Variants in NFATC1 observed in about 807,000 individuals in gnomAD.
NFATC1 encodes nuclear factor of activated T-cells, cytoplasmic 1.
In NFATC1, 22 loss-of-function variants were observed where a neutral mutation model predicts 76.0. The observed-to-expected ratio is 0.29, with a 90% CI of 0.21 to 0.41. The LOEUF (loss-of-function observed/expected upper bound fraction) is 0.41, where lower values mean the gene tolerates loss of function less well. Ranked by LOEUF, NFATC1 falls within the 10% of genes least tolerant of loss-of-function variation. NFATC1 has a pLI of 1.00. For synonymous variants in NFATC1, 704 were observed against 613.1 expected (o/e 1.15, Z -2.19); for missense variants, 1,357 against 1,337.7 (o/e 1.01, Z -0.23).
Position 79,410,460 on chromosome 18 carries a change from A to G in NFATC1, c.185A>G (p.His62Arg), listed in dbSNP as rs759599683. The G allele has an allele frequency of 1.9e-6, 3 of 1,611,536 alleles. No homozygotes were observed. The highest frequency in any genetic ancestry group is 2.2e-5 in the East Asian group (1 of 44,818). Residue 62 changes from histidine (H) to arginine (R), a missense_variant, in exon 2 of 10, where the codon CAC becomes CGC. Coordinates refer to ENST00000427363, the MANE Select transcript of NFATC1 (RefSeq NM_001278669.2). This position sits in a 1 kb window ranked among gnomAD's most constrained non-coding sequence, Gnocchi z 6.7. ...VSPALPLPTA[H>R]STLPAPCHNL... ...CCCGCCCTGCCGCTCCCCACGGCGC[A>G]CTCCACCCTGCCGGCCCCGTGCCAC...
intron 8 of NFATC1, among the ~76,000 whole-genome samples, chr18:79,481,290 C>T (rs1289844456): frequency 2.6e-5 from 4 of 152,266 alleles, no homozygotes; most frequent in Non-Finnish European, 4.4e-5. Context: ...AGGCAAGACG[C>T]GTGCCCTGGA....
chr18:79,449,648 T>C (rs2087373919), intron 4 of NFATC1, among the ~76,000 whole-genome samples: 1 of 152,140 alleles, frequency 6.6e-6, no homozygotes, highest in African/African-American at 2.4e-5. Flanking sequence ...GGCTGGAACG[T>C]GCAGACCAGC....
chr18:79,527,082 G>A (rs1054377419), intron 9 of NFATC1: 1 of 161,700 alleles, frequency 6.2e-6, no homozygotes, highest in African/African-American at 2.4e-5. Context: ...AACGTCACTG[G>A]CCTGTGGGGG....
In NFATC1 at chr18:79,411,251, G is replaced by C; in HGVS notation, c.976G>C (p.Asp326His). 1 of 1,603,504 alleles carries C rather than the reference G, an allele frequency of 6.2e-7. No homozygotes were observed. The highest frequency in any genetic ancestry group is 1.1e-5 in the South Asian group (1 of 91,066). Residue 326 changes from aspartate (D) to histidine (H), a missense_variant, in exon 2 of 10, where the codon GAC (aspartate) becomes CAC (histidine). By Grantham distance (81) the Asp-to-His change is moderately conservative. Coordinates refer to ENST00000427363, the MANE Select transcript of NFATC1 (RefSeq NM_001278669.2). ...CGCGCTGACCACCGACAGCAGCCTG[G>C]ACCTGGGAGATGGCGTCCCTGTCAA... ...INALTTDSSL[D>H]LGDGVPVKSR...
At chr18:79,505,626 G>T in intron 9 of NFATC1, among the ~76,000 whole-genome samples, 1 of 144,760 alleles carries the variant, frequency 6.9e-6, no homozygotes, top group South Asian at 2.3e-4. Flanking sequence ...GGAGACTGCT[G>T]CGTGGGAGGA....
intron 3 of NFATC1, 80 bp from the exon 4 acceptor site, chr18:79,448,702 G>A (rs574296853): frequency 3.7e-4 from 529 of 1,441,724 alleles, no homozygotes; most frequent in African/African-American, 3.5e-3. Flanking sequence ...CGAACCCGCC[G>A]CAGGTTTTCT....
At chr18:79,508,803 A>ATCTC (rs372057429) in intron 9 of NFATC1, among the ~76,000 whole-genome samples, 3 of 140,920 alleles carry the variant, frequency 2.1e-5, no homozygotes, top group African/African-American at 8.1e-5. Context: ...CTCTCCGTCC[A>ATCTC]TCTCTCTCTC....
At position 79,410,495 on chromosome 18, in the gene NFATC1, A is replaced by G; in HGVS notation, c.220A>G (p.Thr74Ala). The change falls in exon 2 of 10, where the codon ACC becomes GCC. Residue 74 changes from threonine to alanine, a missense_variant. Around this residue, in one of 3 missense-constraint regions of NFATC1, gnomAD observed 691 missense variants for 613.1 expected, o/e 1.13. Coordinates refer to ENST00000427363, the MANE Select transcript of NFATC1 (RefSeq NM_001278669.2). This position sits in a 1 kb window ranked among gnomAD's most constrained non-coding sequence, Gnocchi z 6.7. Reference sequence around the variant, plus strand: ...GCCGGCCCCGTGCCACAACCTTCAGACCTCCACACCGGGCATCATCCCGCC... The same window carrying G: ...GCCGGCCCCGTGCCACAACCTTCAGGCCTCCACACCGGGCATCATCCCGCC... Reference protein sequence around the residue: ...TLPAPCHNLQTSTPGIIPPAD... With the variant: ...TLPAPCHNLQASTPGIIPPAD... The G allele has an allele frequency of 6.2e-7, 1 of 1,611,674 alleles. No homozygotes were observed. The highest frequency in any genetic ancestry group is 1.1e-5 in the South Asian group (1 of 91,040).
At chr18:79,450,451 T>G (rs932928923) in intron 4 of NFATC1, among the ~76,000 whole-genome samples, 7 of 148,612 alleles carry the variant, frequency 4.7e-5, no homozygotes, top group Non-Finnish European at 1.0e-4. Context: ...CCTAATAATA[T>G]ATAATATATA....
chr18:79,411,588 G>T, intron 2 of NFATC1, 87 bp downstream of exon 2: 4 of 1,051,266 alleles, frequency 3.8e-6, no homozygotes, highest in Non-Finnish European at 4.7e-6. Flanking sequence ...GGGGCGGCGC[G>T]GGGCGGCCGT....
At chr18:79,494,538 C>G (rs368428387) in intron 9 of NFATC1, among the ~76,000 whole-genome samples, 2 of 103,188 alleles carry the variant, frequency 1.9e-5, no homozygotes, top group Non-Finnish European at 2.1e-5. Flanking sequence ...AAGGCGAGAG[C>G]GGGCACACGC....
At chr18:79,506,283 C>T (rs535281664) in intron 9 of NFATC1, among the ~76,000 whole-genome samples, 19 of 152,308 alleles carry the variant, frequency 1.2e-4, no homozygotes, top group African/African-American at 4.1e-4. Context: ...CTGTGGGCAC[C>T]TGCGTGTCAG....
At chr18:79,408,804 A>C (rs141652971) in intron 1 of NFATC1, among the ~76,000 whole-genome samples, 190 of 151,736 alleles carry the variant, frequency 1.3e-3, no homozygotes, top group African/African-American at 4.2e-3. Context: ...TTATTCCTCC[A>C]TTCCCTATCC....
intron 2 of NFATC1, among the ~76,000 whole-genome samples, chr18:79,419,238 G>T (rs1263409304): frequency 1.3e-5 from 2 of 152,160 alleles, no homozygotes; most frequent in Non-Finnish European, 2.9e-5. Context: ...GTCCAGGGCT[G>T]ATCTGGAACT....
intron 2 of NFATC1, among the ~76,000 whole-genome samples, chr18:79,423,751 C>T (rs563169519): frequency 6.6e-6 from 1 of 152,314 alleles, no homozygotes; most frequent in South Asian, 2.1e-4. Flanking sequence ...TCTCATCCAC[C>T]GATTCCATCT....
chr18:79,494,079 G>A (rs1222041391), intron 9 of NFATC1, among the ~76,000 whole-genome samples: 1 of 152,238 alleles, frequency 6.6e-6, no homozygotes, highest in African/African-American at 2.4e-5. Context: ...GTCCAAACCT[G>A]TGCGCCAGGC....
At chr18:79,487,236 A>C (rs2089533944) in intron 9 of NFATC1, among the ~76,000 whole-genome samples, 1 of 152,182 alleles carries the variant, frequency 6.6e-6, no homozygotes, top group Non-Finnish European at 1.5e-5. Context: ...ATTGGTGTCC[A>C]GGTTTGCTTC....
At chr18:79,469,693 C>T in intron 8 of NFATC1, 1 of 985,940 alleles carries the variant, frequency 1.0e-6, no homozygotes, top group Non-Finnish European at 1.2e-6. Flanking sequence ...TCCCCAGGCT[C>T]ACCCTGGGCA....
At chr18:79,521,619 T>G (rs1003543427) in intron 9 of NFATC1, among the ~76,000 whole-genome samples, 4 of 6,486 alleles carry the variant, frequency 6.2e-4, no homozygotes, top group Non-Finnish European at 1.3e-3. Flanking sequence ...TGTCTGTGTG[T>G]GTGGGGGGGG....
Sources: allele counts gnomAD v4.1 joint callset (sites outside exome capture counted in the v4.1 genomes callset), GRCh38; gene constraint gnomAD v4.1.1; regional missense constraint gnomAD v4.1.1; non-coding constraint Gnocchi (gnomAD v3.1); transcripts MANE v1.5; gene names NCBI Gene and HGNC (gene_info 2026-07-23, HGNC 2026-07-21).